XIRP2: variants seen among roughly 807,000 people sequenced by gnomAD.
The protein encoded by XIRP2 is xin actin-binding repeat-containing protein 2.
Under a neutral mutation model 277.0 loss-of-function variants are expected in XIRP2, and 236 were observed. The ratio of observed to expected loss-of-function variants is 0.85; its 90% CI spans 0.77 to 0.95. The LOEUF is 0.95. Among genes scored for constraint, XIRP2 ranks in the 40% least tolerant of loss-of-function variants. XIRP2 has a pLI of 0.00. For synonymous variants in XIRP2, 1,490 were observed against 1,416.5 expected, an observed-to-expected ratio of 1.05 and a Z score of -1.17; for missense variants, 4,640 against 4,157.5, an observed-to-expected ratio of 1.12 and a Z score of -3.19.
chr2:166,909,858 T>A (rs943851291), intron 2 of XIRP2, among the ~76,000 whole-genome samples: 4 of 152,258 alleles, frequency 2.6e-5, no homozygotes, highest in African/African-American at 9.6e-5. Flanking sequence ...TTTCTGCATC[T>A]GTTCAGATAA....
chr2:167,093,631 T>A (rs558715528), intron 2 of XIRP2, among the ~76,000 whole-genome samples: 4 of 152,224 alleles, frequency 2.6e-5, no homozygotes, highest in Non-Finnish European at 4.4e-5. Flanking sequence ...TCCATGTCCC[T>A]GCAAAGAAAT....
chr2:167,226,592 T>C (rs1157896978), intron 5 of XIRP2, among the ~76,000 whole-genome samples: 1 of 152,164 alleles, frequency 6.6e-6, no homozygotes, highest in Non-Finnish European at 1.5e-5. Context: ...AAGCCTTTTC[T>C]TCAAGCCCCA....
chr2:166,921,254 G>A (rs1196509392), intron 2 of XIRP2, among the ~76,000 whole-genome samples: 1 of 152,058 alleles, frequency 6.6e-6, no homozygotes, highest in Non-Finnish European at 1.5e-5. Context: ...GAATTGTATG[G>A]TAAGAGTATG....
At chr2:167,008,497 G>A (rs1340838351) in intron 2 of XIRP2, among the ~76,000 whole-genome samples, 2 of 151,532 alleles carry the variant, frequency 1.3e-5, no homozygotes, top group Admixed American at 6.6e-5. Flanking sequence ...ATTTACTCAT[G>A]TTACATGAGG....
At chr2:166,969,700 A>G (rs76871561) in intron 2 of XIRP2, among the ~76,000 whole-genome samples, 4,584 of 151,982 alleles carry the variant, frequency 0.03, 97 homozygotes, top group East Asian at 0.079. Context: ...ACTCATTAAA[A>G]CCATTCATTT....
At position 167,037,516 on chromosome 2, in the gene XIRP2, GGGGTGT is replaced by G. The variant is rs1435957928; in HGVS notation, c.409-98391_409-98386del. ...TTTGGCTTGAGGTTTTTTCATGTGG[GGGGTGT>G]GTGTGTGTGTGTGTGTGTGTGTGTG... On this transcript the variant is annotated intron_variant, in intron 2 of 10. Transcript: ENST00000409195. Among the ~76,000 whole-genome samples, 303 of 109,084 alleles carry G rather than the reference GGGGTGT, an allele frequency of 2.8e-3. 1 individual carries two copies. Among genetic ancestry groups the G allele is most frequent in the African/African-American group, 0.011 (242 of 23,004 alleles). 71.6% of individuals were successfully genotyped at this position (109,084 alleles called of 152,430 possible). A position where few individuals can be genotyped will look rare whatever the true frequency, so the allele number is the denominator to read the frequency against.
At chr2:167,055,266 T>C (rs1056495750) in intron 2 of XIRP2, among the ~76,000 whole-genome samples, 1 of 152,114 alleles carries the variant, frequency 6.6e-6, no homozygotes, top group Admixed American at 6.6e-5. Context: ...GGAAAAAAGT[T>C]AGTGGAGAGT....
In XIRP2 at chr2:167,242,915, A is replaced by G. The variant is rs757720448; in HGVS notation, c.1523A>G (p.Glu508Gly). ...CGTTTATATAAACACATCCATCCTG[A>G]GTTAAGAAAAAACTTAGAAAAAGAT... Reference protein sequence around the residue: ...LNRLYKHIHPELRKNLEKDYI... With the variant: ...LNRLYKHIHPGLRKNLEKDYI... The change falls in exon 9 of 11, where the codon GAG becomes GGG. Residue 508 changes from glutamate to glycine, a missense_variant. Physicochemically the swap from Glu to Gly is moderately conservative, Grantham distance 98. Transcript: ENST00000409195. 1.9e-6 allele frequency: 3 copies of G among 1,613,664 alleles called. No homozygotes were observed. The highest frequency in any genetic ancestry group is 2.5e-6 in the Non-Finnish European group (3 of 1,179,904).
chr2:167,169,213 T>C (rs747561035), intron 3 of XIRP2, among the ~76,000 whole-genome samples: 32 of 152,230 alleles, frequency 2.1e-4, no homozygotes, highest in Non-Finnish European at 4.3e-4. Flanking sequence ...CTCTAGTTTA[T>C]TTCAAAATGA....
chr2:167,129,047 G>T (rs1403502457), intron 2 of XIRP2, among the ~76,000 whole-genome samples: 3 of 152,082 alleles, frequency 2.0e-5, no homozygotes, highest in African/African-American at 4.8e-5. Context: ...GTGGGAGAAG[G>T]TACAGTCTTC....
intron 2 of XIRP2, among the ~76,000 whole-genome samples, chr2:167,100,611 T>C (rs1384051633): frequency 6.6e-6 from 1 of 152,208 alleles, no homozygotes; most frequent in African/African-American, 2.4e-5. Flanking sequence ...CTATAATTAC[T>C]CACCTGGGAC....
chr2:167,241,816 C>A lies in XIRP2; in HGVS notation c.1082C>A (p.Ser361Ter). The A allele has an allele frequency of 6.2e-7, 1 of 1,613,326 alleles. No individual in the cohort carries two copies. ...GAGGATGAAGAGATTCCAAAGGTTTCGACTAAGTTGTTAAAAGAGCAGTTT... is the reference window on the plus strand; with the variant it reads ...GAGGATGAAGAGATTCCAAAGGTTTAGACTAAGTTGTTAAAAGAGCAGTTT... ...TPEDEEIPKV[S>*]TKLLKEQFEK... Residue 361 changes from serine (S) to a stop codon, truncating the protein, a stop_gained, in exon 8 of 11, where the codon TCG becomes TAG. Transcript: ENST00000409195. LOFTEE classifies it high-confidence loss of function.
chr2:167,175,101 T>G (rs1692801200), intron 3 of XIRP2, among the ~76,000 whole-genome samples: 1 of 152,168 alleles, frequency 6.6e-6, no homozygotes, highest in South Asian at 2.1e-4. Context: ...TTAGGTCTGC[T>G]TTGTCCAGAG....
chr2:166,915,094 G>T (rs966823380), intron 2 of XIRP2, among the ~76,000 whole-genome samples: 2 of 151,490 alleles, frequency 1.3e-5, no homozygotes, highest in East Asian at 1.9e-4. Flanking sequence ...TCAGGAGATC[G>T]AGACCATCCT....
At chr2:166,896,944 A>G (rs1684259965) in intron 1 of XIRP2, among the ~76,000 whole-genome samples, 1 of 152,190 alleles carries the variant, frequency 6.6e-6, no homozygotes. Flanking sequence ...ATTCAGTACA[A>G]TAACATGCTG....
intron 3 of XIRP2, among the ~76,000 whole-genome samples, chr2:167,192,790 G>A (rs1377513063): frequency 2.0e-5 from 3 of 152,154 alleles, no homozygotes; most frequent in African/African-American, 7.2e-5. Flanking sequence ...TCAGGAAATA[G>A]GACAAGGGAG....
intron 3 of XIRP2, among the ~76,000 whole-genome samples, chr2:167,159,187 G>C (rs1371290537): frequency 6.6e-6 from 1 of 152,154 alleles, no homozygotes; most frequent in Non-Finnish European, 1.5e-5. Flanking sequence ...GCTGGCTGCA[G>C]TGCACTGCAG....
intron 2 of XIRP2, among the ~76,000 whole-genome samples, chr2:166,937,690 C>T (rs987688144): frequency 6.6e-6 from 1 of 152,036 alleles, no homozygotes; most frequent in Non-Finnish European, 1.5e-5. Context: ...CTCCTTGTAC[C>T]TCTGGTAGAA....
intron 2 of XIRP2, among the ~76,000 whole-genome samples, chr2:167,099,646 G>A (rs1043652915): frequency 3.9e-5 from 6 of 152,092 alleles, no homozygotes; most frequent in African/African-American, 9.7e-5. Context: ...GTAGGCACCC[G>A]AGGGAATCTC....
Sources: gnomAD v4.1 joint callset for allele counts (sites outside exome capture counted in the v4.1 genomes callset) on GRCh38, gnomAD v4.1.1 for gene constraint, MANE v1.5 for transcripts, NCBI Gene and HGNC (gene_info 2026-07-23, HGNC 2026-07-21) for gene names.